Variants in LRRTM3 observed in about 807,000 individuals in gnomAD.
The protein encoded by LRRTM3 is leucine rich repeat transmembrane neuronal 3.
Under a neutral mutation model 44.7 loss-of-function variants are expected in LRRTM3, and 24 were observed. That is an observed-to-expected ratio of 0.54 (90% CI 0.39 to 0.76). The LOEUF is 0.76. Ranked by LOEUF, LRRTM3 falls within the 30% of genes least tolerant of loss-of-function variation. The probability of loss-of-function intolerance (pLI) is 0.00; values close to 1 mark genes in which losing one functional copy is unlikely to be tolerated. For synonymous variants in LRRTM3, 277 were observed against 278.7 expected, an observed-to-expected ratio of 0.99 and a Z score of 0.06; for missense variants, 587 against 702.2, an observed-to-expected ratio of 0.84 and a Z score of 1.85.
chr10:67,053,328 C>A (rs1925599), intron 2 of LRRTM3, among the ~76,000 whole-genome samples: 65,475 of 151,920 alleles, frequency 0.43, 14,553 homozygotes, highest in Middle Eastern at 0.61. Context: ...CTGGAAAAAT[C>A]TGATTCCATT....
intron 2 of LRRTM3, among the ~76,000 whole-genome samples, chr10:67,038,916 C>T (rs899600133): frequency 1.3e-5 from 2 of 151,730 alleles, no homozygotes; most frequent in African/African-American, 4.8e-5. Context: ...CTATAAAATC[C>T]AGATAACTTG....
At position 66,926,950 on chromosome 10, in the gene LRRTM3, T is replaced by A; in HGVS notation, c.34T>A (p.Ser12Thr). ...CAATGTAATTAGGCTACTGAGCGGA[T>A]CAGCTGTAGCACTGGTTATAGCCCC... The part of the protein sequence containing the change: ...GFNVIRLLSG[S>T]AVALVIAPTV... The change falls in exon 2 of 3, where the codon TCA (serine) becomes ACA (threonine). Residue 12 changes from serine to threonine, a missense_variant. Around this residue, in one of 3 missense-constraint regions of LRRTM3, gnomAD observed 50 missense variants for 43.4 expected, o/e 1.15. Transcript: ENST00000361320. 2.5e-6 allele frequency: 4 copies of A among 1,605,214 alleles called. No individual in the cohort carries two copies. Among genetic ancestry groups the A allele is most frequent in the Non-Finnish European group, 2.6e-6 (3 of 1,175,850 alleles).
chr10:66,978,552 A>AAATAAAAAAAAATATATATATATATATAT, intron 2 of LRRTM3, among the ~76,000 whole-genome samples: 50 of 37,878 alleles, frequency 1.3e-3, no homozygotes, highest in South Asian at 3.5e-3. Flanking sequence ...AAAAAAAAAA[A>AAATAAAAAAAAATATATATATATATATAT]ATATATATAT....
intron 2 of LRRTM3, among the ~76,000 whole-genome samples, chr10:67,039,770 T>C (rs1854281678): frequency 6.6e-6 from 1 of 152,180 alleles, no homozygotes; most frequent in Admixed American, 6.5e-5. Context: ...TAGATCTACT[T>C]GCTTAGTCCA....
At chr10:66,996,664 A>AAAAAAAAAAC (rs1851368759) in intron 2 of LRRTM3, among the ~76,000 whole-genome samples, 1 of 150,730 alleles carries the variant, frequency 6.6e-6, no homozygotes, top group African/African-American at 2.4e-5. Flanking sequence ...AAAAAAAAAA[A>AAAAAAAAAAC]AAAAAAAGCA....
At chr10:67,093,416 T>C (rs1304139087) in intron 2 of LRRTM3, among the ~76,000 whole-genome samples, 1 of 151,910 alleles carries the variant, frequency 6.6e-6, no homozygotes, top group African/African-American at 2.4e-5. Context: ...GAGACCATGT[T>C]AATAAAAATT....
At position 67,027,469 on chromosome 10, in the gene LRRTM3, C is replaced by G. The variant is rs535991140; in HGVS notation, c.1537-70118C>G. On this transcript the variant is annotated intron_variant, in intron 2 of 2. Transcript: ENST00000361320. ...TTTTTTTTTGATACACAGTCTCGCTCTGTCACCCAGGCTGGAGTGCAGTGG... is the reference window on the plus strand; with the variant it reads ...TTTTTTTTTGATACACAGTCTCGCTGTGTCACCCAGGCTGGAGTGCAGTGG... Among the ~76,000 whole-genome samples, 269 of 145,806 alleles carry G rather than the reference C, an allele frequency of 1.8e-3. 1 individual carries two copies. The highest frequency in any genetic ancestry group is 3.3e-3 in the Non-Finnish European group (218 of 67,046).
chr10:67,040,872 C>A lies in LRRTM3; in HGVS notation c.1537-56715C>A, dbSNP rs534784443. On this transcript the variant is annotated intron_variant, in intron 2 of 2. Coordinates refer to ENST00000361320, the MANE Select transcript of LRRTM3 (RefSeq NM_178011.5). ...GCAAACTTTCATTGAACAACTATGA[C>A]ATACACCAAAGAGACAAAGATAAAA... is the stretch of plus-strand genomic sequence containing the variant. Among the ~76,000 whole-genome samples the A allele has an allele frequency of 7.2e-4, 109 of 152,198 alleles. 1 individual carries two copies. The highest frequency in any genetic ancestry group is 2.5e-3 in the African/African-American group (105 of 41,546).
chr10:67,019,557 C>G (rs919250102), intron 2 of LRRTM3, among the ~76,000 whole-genome samples: 1 of 152,040 alleles, frequency 6.6e-6, no homozygotes, highest in Admixed American at 6.6e-5. Context: ...AGAACTTTAT[C>G]GTATATAAAA....
intron 2 of LRRTM3, among the ~76,000 whole-genome samples, chr10:67,083,230 G>A (rs539899179): frequency 1.3e-5 from 2 of 152,076 alleles, no homozygotes; most frequent in South Asian, 4.1e-4. Flanking sequence ...TAAAAAGAAA[G>A]TGTCTAAAGT....
chr10:66,937,592 T>G (rs1847779099), intron 2 of LRRTM3, among the ~76,000 whole-genome samples: 1 of 152,144 alleles, frequency 6.6e-6, no homozygotes, highest in South Asian at 2.1e-4. Context: ...CAAGGGCATC[T>G]GGGCACGTAG....
intron 2 of LRRTM3, among the ~76,000 whole-genome samples, chr10:66,943,532 TC>T (rs1420673879): frequency 2.3e-4 from 32 of 139,662 alleles, no homozygotes; most frequent in African/African-American, 6.9e-4. Context: ...TTTTTTTTTT[TC>T]AGTATTAGCA....
intron 2 of LRRTM3, among the ~76,000 whole-genome samples, chr10:66,998,154 C>A (rs185956128): frequency 1.3e-5 from 2 of 152,178 alleles, no homozygotes; most frequent in Non-Finnish European, 2.9e-5. Flanking sequence ...ATTCCTAACA[C>A]GGCATTTTAG....
intron 2 of LRRTM3, among the ~76,000 whole-genome samples, chr10:67,068,729 T>A (rs760178212): frequency 1.3e-4 from 20 of 152,268 alleles, no homozygotes; most frequent in Non-Finnish European, 1.2e-4. Context: ...AAATAATCCA[T>A]CAGATTTGTT....
intron 2 of LRRTM3, among the ~76,000 whole-genome samples, chr10:66,951,691 AT>A (rs1377360046): frequency 6.6e-6 from 1 of 152,144 alleles, no homozygotes; most frequent in East Asian, 1.9e-4. Flanking sequence ...AATGTGATTT[AT>A]TTTTTTCCCA....
Position 66,965,929 on chromosome 10 carries a change from T to G in LRRTM3, c.1536+37477T>G, listed in dbSNP as rs970844472. Among the ~76,000 whole-genome samples, 22 of 152,198 alleles carry G rather than the reference T, an allele frequency of 1.4e-4. 1 individual carries two copies. Among genetic ancestry groups the G allele is most frequent in the African/African-American group, 4.1e-4 (17 of 41,446 alleles). On this transcript the variant is annotated intron_variant, in intron 2 of 2. Coordinates refer to ENST00000361320, the MANE Select transcript of LRRTM3 (RefSeq NM_178011.5). ...CCTTGGCAATTCCAAAGCCTGTTGT[T>G]TGCTTTGCAAGCACTATATAAGTCT...
rs1847140666 is a variant in LRRTM3 at position 66,927,405 on chromosome 10, T to C, written c.489T>C (p.His163=). The C allele has an allele frequency of 6.2e-7, 1 of 1,614,054 alleles. No individual in the cohort carries two copies. The change falls in exon 2 of 3, where the codon CAT becomes CAC. Residue 163 remains histidine, a synonymous_variant. Transcript: ENST00000361320. The surrounding 1 kb of genome is among the most constrained non-coding windows in gnomAD (Gnocchi z 4.7). ...GCTTGCGGAAGCTGCTGAGTTTACA[T>C]TTACGGTCTAACTCCCTGAGAACCA... The part of the protein sequence containing the change: ...FRGLRKLLSL[H]LRSNSLRTIP...
chr10:67,004,993 C>T (rs1303185777), intron 2 of LRRTM3, among the ~76,000 whole-genome samples: 2 of 152,138 alleles, frequency 1.3e-5, no homozygotes, highest in African/African-American at 4.8e-5. Flanking sequence ...TTACTATTTA[C>T]TCGCCAAACC....
chr10:66,957,075 C>T (rs554705761), intron 2 of LRRTM3, among the ~76,000 whole-genome samples: 2 of 152,236 alleles, frequency 1.3e-5, no homozygotes, highest in East Asian at 3.9e-4. Flanking sequence ...GAATTCATGA[C>T]ATGTATCTAT....
Sources: allele counts gnomAD v4.1 joint callset (sites outside exome capture counted in the v4.1 genomes callset), GRCh38; gene constraint gnomAD v4.1.1; regional missense constraint gnomAD v4.1.1; non-coding constraint Gnocchi (gnomAD v3.1); transcripts MANE v1.5; gene names NCBI Gene and HGNC (gene_info 2026-07-23, HGNC 2026-07-21).